The following CHODL variants were observed in gnomAD, a reference collection of about 807,000 sequenced individuals.
The protein encoded by CHODL is chondrolectin.
A neutral mutation model predicts 34.5 loss-of-function variants in CHODL; 29 were observed. The ratio of observed to expected loss-of-function variants is 0.84; its 90% CI spans 0.63 to 1.15. The LOEUF is 1.15. Ranked by LOEUF, CHODL falls within the 50% of genes most tolerant of loss-of-function variation. CHODL has a pLI of 0.00. For synonymous variants in CHODL, 125 were observed against 116.1 expected (o/e 1.08, Z -0.49); for missense variants, 332 against 332.5 (o/e 1.00, Z 0.01).
chr21:17,967,459 G>A (rs1387377884), intron 1 of CHODL, among the ~76,000 whole-genome samples: 1 of 152,106 alleles, frequency 6.6e-6, no homozygotes, highest in South Asian at 2.1e-4. Context: ...GCTTCAGAGT[G>A]TTTTTATTTT....
At chr21:17,988,601 A>G (rs1287096155) in intron 1 of CHODL, among the ~76,000 whole-genome samples, 1 of 99,058 alleles carries the variant, frequency 1.0e-5, no homozygotes, top group Non-Finnish European at 1.8e-5. Flanking sequence ...TCCTGTGTCC[A>G]TGTGTTCTCA....
chr21:18,245,962 G>A (rs1474906904), intron 1 of CHODL: 19 of 1,533,286 alleles, frequency 1.2e-5, no homozygotes, highest in African/African-American at 2.7e-5. Context: ...CTGCAGGTTC[G>A]GCACACAGTA....
intron 2 of CHODL, among the ~76,000 whole-genome samples, chr21:18,124,397 A>T (rs908561392): frequency 6.6e-6 from 1 of 152,142 alleles, no homozygotes; most frequent in African/African-American, 2.4e-5. Context: ...GGACATTCTG[A>T]TATGTCACTG....
At chr21:18,085,457 G>C (rs987544308) in intron 2 of CHODL, among the ~76,000 whole-genome samples, 1 of 152,114 alleles carries the variant, frequency 6.6e-6, no homozygotes, top group East Asian at 1.9e-4. Context: ...TGAATATTGT[G>C]AGTTTTATAT....
chr21:17,938,374 C>T (rs1182586330), intron 1 of CHODL, among the ~76,000 whole-genome samples: 3 of 141,276 alleles, frequency 2.1e-5, no homozygotes, highest in Non-Finnish European at 4.5e-5. Context: ...TGAATAAAAA[C>T]AGCTACTGCA....
intron 1 of CHODL, among the ~76,000 whole-genome samples, chr21:17,983,877 C>A (rs951304240): frequency 4.0e-5 from 6 of 149,628 alleles, no homozygotes; most frequent in Admixed American, 1.3e-4. Flanking sequence ...CTCCCAGTTT[C>A]CTTTATGTTC....
intron 1 of CHODL, among the ~76,000 whole-genome samples, chr21:17,962,065 G>A (rs2063536067): frequency 6.6e-6 from 1 of 151,892 alleles, no homozygotes; most frequent in Non-Finnish European, 1.5e-5. Context: ...TAAAATTCAA[G>A]TTCTTCCAAA....
intron 2 of CHODL, among the ~76,000 whole-genome samples, chr21:18,171,458 C>T (rs1180092040): frequency 2.0e-5 from 3 of 151,686 alleles, no homozygotes; most frequent in East Asian, 3.9e-4. Flanking sequence ...CCACCCGCCT[C>T]GGCCTCCCAA....
At chr21:17,945,925 C>G (rs1426478313) in intron 1 of CHODL, among the ~76,000 whole-genome samples, 1 of 151,840 alleles carries the variant, frequency 6.6e-6, no homozygotes, top group African/African-American at 2.4e-5. Context: ...ACTCTACAAG[C>G]CTGGAGAGAG....
chr21:18,136,891 G>A (rs909972767), intron 2 of CHODL, among the ~76,000 whole-genome samples: 1 of 151,184 alleles, frequency 6.6e-6, no homozygotes, highest in African/African-American at 2.4e-5. Context: ...CATAAGATGT[G>A]CTTAATTTAA....
chr21:18,185,123 A>G (rs147583013), intron 2 of CHODL, among the ~76,000 whole-genome samples: 3,073 of 152,136 alleles, frequency 0.02, 115 homozygotes, highest in African/African-American at 0.068. Flanking sequence ...TGCTGCACCC[A>G]TCAACCTGTC....
chr21:18,104,033 C>T (rs552467933), intron 2 of CHODL, among the ~76,000 whole-genome samples: 6 of 152,234 alleles, frequency 3.9e-5, no homozygotes, highest in East Asian at 3.9e-4. Flanking sequence ...CATAGAGCCT[C>T]GCACAAAATA....
intron 1 of CHODL, among the ~76,000 whole-genome samples, chr21:17,970,166 C>A (rs1328202434): frequency 1.3e-5 from 2 of 151,942 alleles, no homozygotes; most frequent in African/African-American, 2.4e-5. Context: ...CTTTGGTGGA[C>A]TTCCTGAAGA....
chr21:18,055,547 C>G (rs539604960), intron 2 of CHODL, among the ~76,000 whole-genome samples: 1 of 152,010 alleles, frequency 6.6e-6, no homozygotes, highest in Admixed American at 6.6e-5. Context: ...AGCAACCTCT[C>G]TTTGGAAAGT....
chr21:18,258,616 C>A (rs1189534685), intron 3 of CHODL, among the ~76,000 whole-genome samples: 3 of 151,786 alleles, frequency 2.0e-5, no homozygotes, highest in Non-Finnish European at 4.4e-5. Context: ...TAAAATTATT[C>A]TTTCTTTATC....
chr21:18,238,585 A>G (rs1470117292), intron 2 of CHODL, among the ~76,000 whole-genome samples: 2 of 152,058 alleles, frequency 1.3e-5, no homozygotes, highest in African/African-American at 2.4e-5. Flanking sequence ...AAACCATACC[A>G]ATGTGGTTAT....
intron 2 of CHODL, among the ~76,000 whole-genome samples, chr21:18,207,659 C>CT (rs34259143): frequency 0.79 from 44,172 of 55,910 alleles, 18,028 homozygotes; most frequent in East Asian, 0.93. Flanking sequence ...AATCTCTCAG[C>CT]TTTTTTTTTT....
At chr21:18,107,464 T>C (rs1205211251) in intron 2 of CHODL, among the ~76,000 whole-genome samples, 2 of 152,206 alleles carry the variant, frequency 1.3e-5, no homozygotes, top group Non-Finnish European at 1.5e-5. Context: ...GTGGCAACTA[T>C]ACCAGGCCAT....
chr21:17,989,013 A>AATGCCAAATGTGTCTACACATTT (rs1388864117), intron 1 of CHODL, among the ~76,000 whole-genome samples: 1 of 152,210 alleles, frequency 6.6e-6, no homozygotes, highest in Non-Finnish European at 1.5e-5. Flanking sequence ...GTAAAGGTTC[A>AATGCCAAATGTGTCTACACATTT]ATGCCAAATG....
Sources: gnomAD v4.1 joint callset for allele counts (sites outside exome capture counted in the v4.1 genomes callset) on GRCh38, gnomAD v4.1.1 for gene constraint, MANE v1.5 for transcripts, NCBI Gene and HGNC (gene_info 2026-07-23, HGNC 2026-07-21) for gene names.